CSMD3: variants seen among roughly 807,000 people sequenced by gnomAD.
CSMD3 encodes the protein CUB and Sushi multiple domains 3, also known as CUB and sushi domain-containing protein 3.
In CSMD3, 177 loss-of-function variants were observed where a neutral mutation model predicts 435.2. The ratio of observed to expected loss-of-function variants is 0.41; its 90% CI spans 0.36 to 0.46. The LOEUF (loss-of-function observed/expected upper bound fraction) is 0.46. Ranked by LOEUF, CSMD3 falls within the 20% of genes least tolerant of loss-of-function variation. The pLI, the probability that CSMD3 is intolerant of heterozygous loss-of-function variation, is 0.34. For synonymous variants in CSMD3, 1,656 were observed against 1,520.5 expected, an observed-to-expected ratio of 1.09 and a Z score of -2.07; for missense variants, 4,265 against 4,504.6, an observed-to-expected ratio of 0.95 and a Z score of 1.52.
chr8:112,592,180 T>G (rs1831249115), intron 22 of CSMD3, among the ~76,000 whole-genome samples: 1 of 152,054 alleles, frequency 6.6e-6, no homozygotes, highest in Admixed American at 6.6e-5. Flanking sequence ...TATTTTATTT[T>G]CTTAAATAGG....
At chr8:112,309,464 T>C (rs1563770262) in intron 50 of CSMD3, among the ~76,000 whole-genome samples, 1 of 152,008 alleles carries the variant, frequency 6.6e-6, no homozygotes, top group East Asian at 1.9e-4. Context: ...AAGCTTATTT[T>C]ATATCTTTTA....
At chr8:112,833,700 G>A (rs2132498348) in intron 11 of CSMD3, among the ~76,000 whole-genome samples, 1 of 151,994 alleles carries the variant, frequency 6.6e-6, no homozygotes, top group African/African-American at 2.4e-5. Flanking sequence ...ATGTGTGTGT[G>A]TGTGTGTGTG....
At chr8:112,734,209 G>C (rs186419279) in intron 13 of CSMD3, among the ~76,000 whole-genome samples, 1 of 151,022 alleles carries the variant, frequency 6.6e-6, no homozygotes, top group East Asian at 1.9e-4. Context: ...TATATACATC[G>C]GTGCCAACAG....
chr8:113,227,021 T>C (rs998715747), intron 3 of CSMD3, among the ~76,000 whole-genome samples: 5 of 151,584 alleles, frequency 3.3e-5, no homozygotes, highest in Non-Finnish European at 5.9e-5. Flanking sequence ...CTATTTTACA[T>C]AGAAATGGAA....
At chr8:113,105,179 A>G (rs2090437643) in intron 4 of CSMD3, among the ~76,000 whole-genome samples, 1 of 152,098 alleles carries the variant, frequency 6.6e-6, no homozygotes, top group African/African-American at 2.4e-5. Flanking sequence ...CTGACTTAAA[A>G]ATTAAAACTG....
In CSMD3 at chr8:112,247,007, C is replaced by T. The variant is rs2130152791; in HGVS notation, c.10222+13G>A. On this transcript the variant is annotated intron_variant, in intron 64 of 70. Coordinates refer to ENST00000297405, the MANE Select transcript of CSMD3 (RefSeq NM_198123.2). ...TACCCATGATAGCATTATTTCTTAT[C>T]CATAATACTTACGTATGCATTCAGG... is the stretch of plus-strand genomic sequence containing the variant. 6.4e-7 allele frequency: 1 copy of T among 1,564,546 alleles called. No individual in the cohort carries two copies. The highest frequency in any genetic ancestry group is 8.8e-7 in the Non-Finnish European group (1 of 1,135,058).
At position 112,231,611 on chromosome 8, in the gene CSMD3, C is replaced by T; in HGVS notation, c.10762G>A (p.Ala3588Thr). Residue 3588 changes from alanine (A) to threonine (T), a missense_variant, in exon 69 of 71, where the codon GCT becomes ACT. Ala to Thr is a moderately conservative substitution (Grantham distance 58). This residue lies in a region of CSMD3 where 3,255 missense variants were observed against 3,380.2 expected (regional missense o/e 0.96). Coordinates refer to ENST00000297405, the MANE Select transcript of CSMD3 (RefSeq NM_198123.2). The part of the protein sequence containing the change: ...DGFVSAEPDG[A>T]TYVFQGFIQG... The stretch of plus-strand genomic sequence containing the variant: ...ATAAATCCTTGAAATACATAAGTAG[C>T]TCCATCAGGCTCAGCAGAAACCTAA... The T allele has an allele frequency of 1.9e-6, 3 of 1,610,662 alleles. No homozygotes were observed. The highest frequency in any genetic ancestry group is 2.5e-6 in the Non-Finnish European group (3 of 1,177,228).
chr8:113,122,245 A>G (rs147076742), intron 4 of CSMD3, among the ~76,000 whole-genome samples: 425 of 152,238 alleles, frequency 2.8e-3, no homozygotes, highest in Non-Finnish European at 3.3e-3. Context: ...AGTCTTATTC[A>G]TAAGTCTATA....
At chr8:112,244,309 T>C (rs1814475654) in intron 65 of CSMD3, 85 bp downstream of exon 65, 6 of 1,152,774 alleles carry the variant, frequency 5.2e-6, no homozygotes, top group Non-Finnish European at 7.8e-6. Context: ...GTTCCTATGC[T>C]AATTTGAGTT....
intron 6 of CSMD3, among the ~76,000 whole-genome samples, chr8:113,003,545 T>C (rs1408027793): frequency 6.6e-6 from 1 of 152,030 alleles, no homozygotes; most frequent in Admixed American, 6.6e-5. Context: ...AGTAATAATA[T>C]CTTAGTACCA....
At chr8:113,344,430 A>G (rs1218250297) in intron 1 of CSMD3, among the ~76,000 whole-genome samples, 1 of 152,168 alleles carries the variant, frequency 6.6e-6, no homozygotes, top group Non-Finnish European at 1.5e-5. Context: ...TCTATTAAGC[A>G]GTTGTATGGA....
intron 5 of CSMD3, among the ~76,000 whole-genome samples, chr8:113,071,217 T>C (rs1038738878): frequency 7.9e-5 from 12 of 152,028 alleles, no homozygotes; most frequent in African/African-American, 1.9e-4. Flanking sequence ...GTTTCTTATA[T>C]ATTTTGGATA....
intron 13 of CSMD3, among the ~76,000 whole-genome samples, chr8:112,696,928 C>T (rs2076270233): frequency 6.6e-6 from 1 of 152,112 alleles, no homozygotes; most frequent in Non-Finnish European, 1.5e-5. Context: ...TATGAACAGA[C>T]ACTTCTCAAA....
intron 68 of CSMD3, among the ~76,000 whole-genome samples, chr8:112,233,561 C>T (rs1813288130): frequency 6.6e-6 from 1 of 152,024 alleles, no homozygotes; most frequent in Non-Finnish European, 1.5e-5. Context: ...TTATTGAAGC[C>T]TACTAGATGG....
At chr8:113,419,661 T>A (rs982064903) in intron 1 of CSMD3, among the ~76,000 whole-genome samples, 1 of 152,182 alleles carries the variant, frequency 6.6e-6, no homozygotes, top group South Asian at 2.1e-4. Flanking sequence ...CATAATTTTA[T>A]CAGGAATTCA....
chr8:112,518,363 C>T (rs1416344052), intron 27 of CSMD3, among the ~76,000 whole-genome samples: 1 of 151,744 alleles, frequency 6.6e-6, no homozygotes. Flanking sequence ...AAAAAATTAG[C>T]CCAGCATGGT....
In CSMD3 at chr8:113,036,634, C is replaced by T. The variant is rs572302618; in HGVS notation, c.918-17455G>A. On this transcript the variant is annotated intron_variant, in intron 5 of 70. Transcript: ENST00000297405. ...GGTGCAATTCAATCCCACTGTACTG[C>T]CCATTCCCTCTTTCTCCCTCTGAAA... Among the ~76,000 whole-genome samples, 3 of 152,144 alleles carry T rather than the reference C, an allele frequency of 2.0e-5. No homozygotes were observed. The East Asian group carries it at 5.8e-4, about 29-fold the overall frequency.
Position 113,314,744 on chromosome 8 carries a change from T to C in CSMD3, c.228A>G (p.Ile76Met). ...ATCCATATGGAAAACCAGGGCTTTC[T>C]ATAGTGCCATTAAGTCCTTTTAAAG... The part of the protein sequence containing the change: ...GGTLKGLNGT[I>M]ESPGFPYGYP... Residue 76 changes from isoleucine to methionine, a missense_variant, in exon 2 of 71, where the codon ATA becomes ATG. Around this residue, in one of 3 missense-constraint regions of CSMD3, gnomAD observed 731 missense variants for 755.4 expected, o/e 0.97. Transcript: ENST00000297405. 1 of 1,613,142 alleles carries C rather than the reference T, an allele frequency of 6.2e-7. No individual in the cohort carries two copies. Among genetic ancestry groups the C allele is most frequent in the Non-Finnish European group, 8.5e-7 (1 of 1,179,384 alleles).
At chr8:112,924,391 T>C (rs1002911827) in intron 9 of CSMD3, among the ~76,000 whole-genome samples, 2 of 152,132 alleles carry the variant, frequency 1.3e-5, no homozygotes, top group African/African-American at 4.8e-5. Flanking sequence ...GCCTGGCCCA[T>C]AGGATTCATT....
Sources: allele counts gnomAD v4.1 joint callset (sites outside exome capture counted in the v4.1 genomes callset), GRCh38; gene constraint gnomAD v4.1.1; regional missense constraint gnomAD v4.1.1; transcripts MANE v1.5; gene names NCBI Gene and HGNC (gene_info 2026-07-23, HGNC 2026-07-21).